Variants in CDKL3 observed in about 807,000 individuals in gnomAD.
CDKL3 encodes the protein cyclin dependent kinase like 3.
In CDKL3, 65 loss-of-function variants were observed where a neutral mutation model predicts 69.3. The ratio of observed to expected loss-of-function variants is 0.94; its 90% CI spans 0.77 to 1.15. CDKL3 has a LOEUF of 1.15. Among genes scored for constraint, CDKL3 ranks in the 50% most tolerant of loss-of-function variants. The pLI, the probability that CDKL3 is intolerant of heterozygous loss-of-function variation, is 0.00. For synonymous variants in CDKL3, 202 were observed against 221.6 expected (o/e 0.91, Z 0.79); for missense variants, 652 against 689.2 (o/e 0.95, Z 0.61).
intron 4 of CDKL3, among the ~76,000 whole-genome samples, chr5:134,339,153 C>T (rs1181567329): frequency 1.3e-5 from 2 of 151,896 alleles, no homozygotes; most frequent in African/African-American, 4.8e-5. Context: ...CAGAGTGAGA[C>T]TCTGTCTCAC....
At chr5:134,292,692 C>T (rs1159139190) in intron 8 of CDKL3, among the ~76,000 whole-genome samples, 2 of 151,770 alleles carry the variant, frequency 1.3e-5, no homozygotes, top group Admixed American at 1.3e-4. Flanking sequence ...AAACCTCTAT[C>T]TAGACTTACT....
intron 3 of CDKL3, among the ~76,000 whole-genome samples, chr5:134,352,749 C>T (rs1445208807): frequency 6.6e-6 from 1 of 152,080 alleles, no homozygotes; most frequent in Non-Finnish European, 1.5e-5. Flanking sequence ...GTACCTGGTC[C>T]TTTGCCCAAT....
At chr5:134,311,485 A>G (rs1316152543) in intron 7 of CDKL3, among the ~76,000 whole-genome samples, 1 of 152,112 alleles carries the variant, frequency 6.6e-6, no homozygotes, top group Admixed American at 6.6e-5. Context: ...CAGCCTGGGC[A>G]ACAAAGCGAG....
intron 7 of CDKL3, among the ~76,000 whole-genome samples, chr5:134,311,381 T>A (rs979400064): frequency 6.6e-5 from 10 of 152,160 alleles, no homozygotes; most frequent in Non-Finnish European, 1.5e-4. Context: ...GGCATGTGCC[T>A]CTAATCCTAG....
At chr5:134,329,450 A>C (rs1775207812) in intron 4 of CDKL3, among the ~76,000 whole-genome samples, 2 of 151,776 alleles carry the variant, frequency 1.3e-5, no homozygotes, top group African/African-American at 2.4e-5. Context: ...TAATTAATTT[A>C]ATTTAATTTA....
intron 4 of CDKL3, among the ~76,000 whole-genome samples, chr5:134,326,013 T>A (rs888825306): frequency 8.1e-5 from 12 of 147,832 alleles, no homozygotes; most frequent in Admixed American, 4.9e-4. Context: ...CCTGACATGA[T>A]CCGCACGCCT....
chr5:134,283,854 G>A (rs1764733702), downstream of CDKL3, among the ~76,000 whole-genome samples: 1 of 152,142 alleles, frequency 6.6e-6, no homozygotes, highest in Admixed American at 6.5e-5. Context: ...ATACAATGGA[G>A]GTACAGGCAT....
intron 3 of CDKL3, among the ~76,000 whole-genome samples, chr5:134,358,331 A>G (rs1755117003): frequency 6.6e-6 from 1 of 152,112 alleles, no homozygotes; most frequent in Admixed American, 6.6e-5. Flanking sequence ...CTCTACTCCA[A>G]CAAAATCCTA....
At chr5:134,353,796 G>T (rs1224733835) in intron 3 of CDKL3, among the ~76,000 whole-genome samples, 1 of 152,070 alleles carries the variant, frequency 6.6e-6, no homozygotes, top group Non-Finnish European at 1.5e-5. Context: ...TTGACCTTGT[G>T]ATCCGCCCGC....
At chr5:134,303,092 T>C (rs540725173) in intron 11 of CDKL3, among the ~76,000 whole-genome samples, 1 of 152,066 alleles carries the variant, frequency 6.6e-6, no homozygotes, top group Admixed American at 6.6e-5. Context: ...CTTAAGTTCA[T>C]AAATTTTTTT....
intron 6 of CDKL3, among the ~76,000 whole-genome samples, chr5:134,314,479 G>A (rs764615319): frequency 2.0e-5 from 3 of 152,142 alleles, no homozygotes; most frequent in Non-Finnish European, 4.4e-5. Flanking sequence ...TACAATGTGT[G>A]TTCCATACAA....
chr5:134,316,713 A>C (rs1771194426), intron 6 of CDKL3, among the ~76,000 whole-genome samples: 1 of 152,248 alleles, frequency 6.6e-6, no homozygotes, highest in Admixed American at 6.5e-5. Flanking sequence ...ATAGTCATAC[A>C]ATGAAATACT....
At chr5:134,336,495 G>A (rs552393746) in intron 4 of CDKL3, among the ~76,000 whole-genome samples, 1 of 152,302 alleles carries the variant, frequency 6.6e-6, no homozygotes, top group East Asian at 1.9e-4. Flanking sequence ...TTGGTGACCT[G>A]TGGATGGGGT....
At chr5:134,352,458 G>A (rs958531407) in intron 3 of CDKL3, among the ~76,000 whole-genome samples, 3 of 151,656 alleles carry the variant, frequency 2.0e-5, no homozygotes, top group African/African-American at 4.8e-5. Context: ...ATGCCACCAC[G>A]CCCGGCTAAT....
chr5:134,316,114 G>A (rs537343516), intron 6 of CDKL3, among the ~76,000 whole-genome samples: 86 of 151,974 alleles, frequency 5.7e-4, no homozygotes, highest in African/African-American at 2.0e-3. Flanking sequence ...CACTGTGCCT[G>A]GCTAGTTTTT....
At chr5:134,309,920 C>G (rs1317919540) in intron 7 of CDKL3, among the ~76,000 whole-genome samples, 1 of 152,208 alleles carries the variant, frequency 6.6e-6, no homozygotes, top group Non-Finnish European at 1.5e-5. Flanking sequence ...CAACCCTGAC[C>G]TCCTGGGCTC....
intron 5 of CDKL3, among the ~76,000 whole-genome samples, chr5:134,319,790 A>G (rs1772248477): frequency 6.6e-6 from 1 of 152,252 alleles, no homozygotes; most frequent in Non-Finnish European, 1.5e-5. Flanking sequence ...CAGAAAATGC[A>G]TATTCCAACT....
intron 4 of CDKL3, among the ~76,000 whole-genome samples, chr5:134,340,894 G>A (rs542525183): frequency 2.0e-5 from 3 of 151,892 alleles, no homozygotes; most frequent in Admixed American, 6.6e-5. Flanking sequence ...CAGTAAAAAA[G>A]AAAACTACAA....
upstream of CDKL3, chr5:134,367,253 A>G: frequency 2.0e-6 from 2 of 983,678 alleles, no homozygotes; most frequent in Non-Finnish European, 2.4e-6. Context: ...TACTCTGGGT[A>G]GGCGCAAGGT....
Sources: allele counts gnomAD v4.1 joint callset (sites outside exome capture counted in the v4.1 genomes callset), GRCh38; gene constraint gnomAD v4.1.1; transcripts MANE v1.5; gene names NCBI Gene and HGNC (gene_info 2026-07-23, HGNC 2026-07-21).